SYNE1: variants seen among roughly 807,000 people sequenced by gnomAD.
SYNE1 encodes nesprin-1.
SYNE1 carries 616 observed loss-of-function variants against 1,111.0 expected under a neutral mutation model. That is an observed-to-expected ratio of 0.55 (90% CI 0.52 to 0.59). The LOEUF (loss-of-function observed/expected upper bound fraction) is 0.59, where lower values mean the gene tolerates loss of function less well. Ranked by LOEUF, SYNE1 falls within the 20% of genes least tolerant of loss-of-function variation. The pLI is 0.00. For synonymous variants in SYNE1, 3,855 were observed against 3,825.8 expected (o/e 1.01, Z -0.28); for missense variants, 10,006 against 10,417.0 (o/e 0.96, Z 1.72).
intron 3 of SYNE1, among the ~76,000 whole-genome samples, chr6:152,603,546 TTTCTGGGTTAGGTAG>T (rs1468237118): frequency 5.3e-5 from 8 of 151,970 alleles, no homozygotes; most frequent in African/African-American, 1.9e-4. Flanking sequence ...AGTTATTCTG[TTTCTGGGTTAGGTAG>T]TTCTGGGTTA....
At chr6:152,131,785 G>A (rs746562247) in intron 144 of SYNE1, among the ~76,000 whole-genome samples, 30 of 152,204 alleles carry the variant, frequency 2.0e-4, no homozygotes, top group Non-Finnish European at 2.2e-4. Flanking sequence ...TACCTTTTAA[G>A]ATAGTCGTGG....
intron 81 of SYNE1, among the ~76,000 whole-genome samples, chr6:152,324,761 A>G (rs1007398666): frequency 6.6e-6 from 1 of 152,172 alleles, no homozygotes; most frequent in Non-Finnish European, 1.5e-5. Context: ...AGATGGCGCC[A>G]CTGCACTCCA....
At chr6:152,342,047 G>A (rs902607671) in intron 74 of SYNE1, among the ~76,000 whole-genome samples, 2 of 152,148 alleles carry the variant, frequency 1.3e-5, no homozygotes, top group African/African-American at 2.4e-5. Context: ...TAGTCCAAGT[G>A]TCTCCACCAC....
At chr6:152,453,747 G>A (rs375439581) in intron 24 of SYNE1, 27 bp from the exon 25 acceptor site, 6 of 1,613,910 alleles carry the variant, frequency 3.7e-6, no homozygotes, top group African/African-American at 1.3e-5. Context: ...AAGTGGGTAA[G>A]AGTGTTGGAC....
Position 152,239,513 on chromosome 6 carries a change from T to G in SYNE1, c.20067+20A>C. On this transcript the variant is annotated intron_variant, in intron 108 of 145. Transcript: ENST00000367255. ...AGCAGGAAGTTTGCAGCACAGAAGA[T>G]ATGACATCAATGGTCTCACCTCTAG... 6.2e-7 allele frequency: 1 copy of G among 1,614,088 alleles called. No individual in the cohort carries two copies. Among genetic ancestry groups the G allele is most frequent in the Non-Finnish European group, 8.5e-7 (1 of 1,179,958 alleles).
At chr6:152,311,258 G>C in intron 87 of SYNE1, 2 of 248,774 alleles carry the variant, frequency 8.0e-6, no homozygotes, top group South Asian at 1.1e-4. Context: ...TTAAACTAAA[G>C]AATCACTTTT....
intron 145 of SYNE1, chr6:152,126,584 C>T (rs725467): frequency 0.23 from 34,513 of 151,980 alleles, 4,056 homozygotes; most frequent in African/African-American, 0.28. Flanking sequence ...TAGTTCTGTC[C>T]AGCAAAAAAC....
intron 38 of SYNE1, among the ~76,000 whole-genome samples, chr6:152,427,333 CCT>C (rs1182243593): frequency 1.3e-5 from 2 of 152,166 alleles, no homozygotes; most frequent in African/African-American, 4.8e-5. Flanking sequence ...AGAGATTATA[CCT>C]ATTTCCAGCC....
chr6:152,513,925 G>A (rs991144550), intron 6 of SYNE1, among the ~76,000 whole-genome samples: 3 of 152,224 alleles, frequency 2.0e-5, no homozygotes, highest in African/African-American at 7.2e-5. Flanking sequence ...AAACCACAAC[G>A]AGATACCATG....
intron 14 of SYNE1, chr6:152,472,678 C>G (rs1057062789): frequency 2.9e-6 from 2 of 698,994 alleles, no homozygotes; most frequent in African/African-American, 3.5e-5. Flanking sequence ...TGCATTCAGA[C>G]GTTTTAAAGG....
At chr6:152,503,047 G>T (rs912514662) in intron 9 of SYNE1, among the ~76,000 whole-genome samples, 1 of 151,834 alleles carries the variant, frequency 6.6e-6, no homozygotes, top group Non-Finnish European at 1.5e-5. Context: ...GGTGAGATAC[G>T]GTATGATTCC....
At chr6:152,306,315 G>A (rs990895383) in intron 91 of SYNE1, among the ~76,000 whole-genome samples, 1 of 151,840 alleles carries the variant, frequency 6.6e-6, no homozygotes, top group Non-Finnish European at 1.5e-5. Context: ...GTGAAACCCC[G>A]TCTCTACTAA....
intron 139 of SYNE1, 112 bp downstream of exon 139, chr6:152,141,091 G>C: frequency 6.9e-7 from 1 of 1,447,554 alleles, no homozygotes; most frequent in Non-Finnish European, 9.6e-7. Context: ...GAAGTTCTCA[G>C]GATAGAACGG....
At chr6:152,468,627 A>G (rs537980370) in intron 16 of SYNE1, among the ~76,000 whole-genome samples, 1 of 152,304 alleles carries the variant, frequency 6.6e-6, no homozygotes, top group African/African-American at 2.4e-5. Context: ...TCTAACACTT[A>G]AAAAAAGTAT....
At chr6:152,417,801 A>G (rs214990) in intron 40 of SYNE1, among the ~76,000 whole-genome samples, 32,573 of 152,102 alleles carry the variant, frequency 0.21, 3,720 homozygotes, top group East Asian at 0.39. Context: ...TAAAAATTTA[A>G]AAGATGTATA....
chr6:152,437,186 A>G (rs1409357223), intron 32 of SYNE1, among the ~76,000 whole-genome samples: 1 of 152,160 alleles, frequency 6.6e-6, no homozygotes, highest in Non-Finnish European at 1.5e-5. Context: ...TAATCAAGCC[A>G]TTTTGTTAAC....
chr6:152,304,468 G>A (rs1029075645), intron 91 of SYNE1, among the ~76,000 whole-genome samples: 1 of 152,122 alleles, frequency 6.6e-6, no homozygotes, highest in Non-Finnish European at 1.5e-5. Context: ...CCAAGTAGCT[G>A]GAATTATAGG....
intron 130 of SYNE1, chr6:152,167,744 A>C (rs1367483509): frequency 1.8e-6 from 1 of 542,350 alleles, no homozygotes. Context: ...GTTTCATCAG[A>C]AGCCCATCCT....
intron 3 of SYNE1, among the ~76,000 whole-genome samples, chr6:152,618,401 A>G (rs1355289915): frequency 6.6e-6 from 1 of 152,200 alleles, no homozygotes; most frequent in Non-Finnish European, 1.5e-5. Context: ...AACAAAGAAC[A>G]CCAAGATAGG....
Sources: allele counts gnomAD v4.1 joint callset (sites outside exome capture counted in the v4.1 genomes callset), GRCh38; gene constraint gnomAD v4.1.1; transcripts MANE v1.5; gene names NCBI Gene and HGNC (gene_info 2026-07-23, HGNC 2026-07-21).